The following SLC36A4 variants were observed in gnomAD, a reference collection of about 807,000 sequenced individuals.
SLC36A4 encodes neutral amino acid uniporter 4.
Under a neutral mutation model 50.5 loss-of-function variants are expected in SLC36A4, and 49 were observed. The observed-to-expected ratio is 0.97, with a 90% CI of 0.77 to 1.23. SLC36A4 has a LOEUF of 1.23. SLC36A4 is among the 50% of genes most tolerant of loss of function. The pLI is 0.00. For synonymous variants in SLC36A4, 207 were observed against 206.5 expected (o/e 1.00, Z -0.02); for missense variants, 611 against 608.4 (o/e 1.00, Z -0.05).
Position 93,162,668 on chromosome 11 carries a change from A to G in SLC36A4, c.1037+38T>C, listed in dbSNP as rs192762008. ...TCATCAAACAGTGGTACATTATAAA[A>G]TATATAAACTAATATTGACAAATTC... On this transcript the variant is annotated intron_variant, in intron 9 of 10. Transcript: ENST00000326402. 5,261 of 1,474,686 alleles carry G rather than the reference A, an allele frequency of 3.6e-3. 16 individuals are homozygous for G. The highest frequency in any genetic ancestry group is 4.3e-3 in the Non-Finnish European group (4,700 of 1,082,010). The allele number at this position is 1,474,686 out of a possible 1,614,324, so 91.4% of individuals were successfully genotyped here. A position where few individuals can be genotyped will look rare whatever the true frequency, so the allele number is the denominator to read the frequency against.
At chr11:93,157,414 A>G (rs962598891) in intron 9 of SLC36A4, among the ~76,000 whole-genome samples, 1 of 152,196 alleles carries the variant, frequency 6.6e-6, no homozygotes, top group African/African-American at 2.4e-5. Flanking sequence ...AATAGCATTA[A>G]AACTATAAAT....
rs1419939181 is a variant in SLC36A4, at chr11:93,145,542, G to C, written c.*2995C>G. ...GTTTTGACAAGTTGACTCTGATACT[G>C]ATGAAACTCTTGGGTGTAAGGGAAC... On this transcript the variant is annotated 3_prime_UTR_variant, in exon 11 of 11. Transcript: ENST00000326402. 6.6e-6 allele frequency: 1 copy of C among 152,098 alleles called. No homozygotes were observed. The highest frequency in any genetic ancestry group is 1.5e-5 in the Non-Finnish European group (1 of 67,998). The allele number at this position is 152,098 out of a possible 1,614,324, so 9.4% of individuals were successfully genotyped here.
At chr11:93,159,274 T>A (rs1378303105) in intron 9 of SLC36A4, among the ~76,000 whole-genome samples, 1 of 152,192 alleles carries the variant, frequency 6.6e-6, no homozygotes, top group Non-Finnish European at 1.5e-5. Context: ...AACAACTTAA[T>A]GTTCCAGTGA....
intron 1 of SLC36A4, among the ~76,000 whole-genome samples, chr11:93,190,794 G>A (rs945379502): frequency 3.3e-5 from 5 of 152,052 alleles, no homozygotes; most frequent in African/African-American, 9.7e-5. Flanking sequence ...GTGCAAGGGC[G>A]TGGTCTTGCC....
Position 93,168,090 on chromosome 11 carries a change from C to G in SLC36A4, c.622G>C (p.Asp208His). 6 of 1,612,356 alleles carry G rather than the reference C, an allele frequency of 3.7e-6. No individual in the cohort carries two copies. Among genetic ancestry groups the G allele is most frequent in the Non-Finnish European group, 4.2e-6 (5 of 1,178,908 alleles). The change falls in exon 7 of 11, where the codon GAC becomes CAC. Residue 208 changes from aspartate to histidine, a missense_variant. Coordinates refer to ENST00000326402, the MANE Select transcript of SLC36A4 (RefSeq NM_152313.4). ...AAGCAAAGCATATATATCCTTAGGT[C>G]AACACTTCTTCTCTCACAAGGGTTT... is the stretch of plus-strand genomic sequence containing the variant. ...SSNPCERRSV[D>H]LRIYMLCFLP...
In SLC36A4 at chr11:93,180,896, C is replaced by A. The variant is rs1226601475; in HGVS notation, c.456-15G>T. The A allele has an allele frequency of 6.4e-7, 1 of 1,563,992 alleles. No homozygotes were observed. The highest frequency in any genetic ancestry group is 1.1e-5 in the South Asian group (1 of 89,758). ...CAACCACACTCCTGAAAAAAGATAT[C>A]CACAAATGAGTATCCAGGAGAGCTA... is the stretch of plus-strand genomic sequence containing the variant. On this transcript the variant is annotated splice_polypyrimidine_tract_variant and intron_variant, in intron 5 of 10. Coordinates refer to ENST00000326402, the MANE Select transcript of SLC36A4 (RefSeq NM_152313.4).
In SLC36A4 at chr11:93,181,636, C is replaced by T. The variant is rs1234787897; in HGVS notation, c.455+55G>A. The T allele has an allele frequency of 2.4e-5, 31 of 1,293,948 alleles. No homozygotes were observed. In the East Asian group the frequency reaches 8.4e-4, roughly 35 times the overall value. 80.2% of individuals were successfully genotyped at this position (1,293,948 alleles called of 1,614,324 possible). On this transcript the variant is annotated intron_variant, in intron 5 of 10. Transcript: ENST00000326402. ...TTATATATATTGTTAGGTTAAAATA[C>T]TTAAAATTAACATAATTTTAACAAT...
At chr11:93,188,996 A>G (rs1419345569) in intron 1 of SLC36A4, among the ~76,000 whole-genome samples, 2 of 151,476 alleles carry the variant, frequency 1.3e-5, no homozygotes, top group East Asian at 3.9e-4. Context: ...CTGTGTTTAA[A>G]TTTCCCCTTT....
chr11:93,175,069 T>C (rs1483018304), intron 6 of SLC36A4, among the ~76,000 whole-genome samples: 2 of 151,872 alleles, frequency 1.3e-5, no homozygotes, highest in African/African-American at 4.8e-5. Flanking sequence ...TGTGAATCCA[T>C]CTGGTCCTGG....
At position 93,157,310 on chromosome 11, in the gene SLC36A4, C is replaced by T. The variant is rs184569686; in HGVS notation, c.1038-3033G>A. Reference sequence around the variant, plus strand: ...CCAGCTTTGTTCTTTTTGCTGAGGACTGCCTTGACCCTTCAGGCTCATTTC... The same window carrying T: ...CCAGCTTTGTTCTTTTTGCTGAGGATTGCCTTGACCCTTCAGGCTCATTTC... On this transcript the variant is annotated intron_variant, in intron 9 of 10. Transcript: ENST00000326402. Among the ~76,000 whole-genome samples the T allele has an allele frequency of 4.5e-4, 68 of 152,190 alleles. 1 individual carries two copies. The East Asian group carries it at 6.4e-3, about 14-fold the overall frequency.
chr11:93,164,187 T>A (rs1433810640), intron 8 of SLC36A4, among the ~76,000 whole-genome samples: 1 of 152,182 alleles, frequency 6.6e-6, no homozygotes, highest in African/African-American at 2.4e-5. Context: ...CTAGGAAGTA[T>A]ATGCATGTAT....
At position 93,197,778 on chromosome 11, in the gene SLC36A4, C is replaced by T; in HGVS notation, c.55G>A (p.Asp19Asn). The T allele has an allele frequency of 1.3e-6, 2 of 1,589,210 alleles. No individual in the cohort carries two copies. Among genetic ancestry groups the T allele is most frequent in the Non-Finnish European group, 1.7e-6 (2 of 1,174,454 alleles). ...AAGAARREELDMDVMRPLINE... is the reference protein window; with the variant it reads ...AAGAARREELNMDVMRPLINE... ...CTCCCTGCCCACGCACAACACCGAC[C>T]TAGCTCCTCGCGCCTCGCCGCCCCG... Residue 19 changes from aspartate to asparagine, a missense_variant and splice_region_variant, in exon 1 of 11, where the codon GAT becomes AAT. Transcript: ENST00000326402.
intron 10 of SLC36A4, among the ~76,000 whole-genome samples, chr11:93,153,788 C>G (rs930514256): frequency 3.0e-4 from 46 of 151,930 alleles, no homozygotes; most frequent in African/African-American, 1.1e-3. Context: ...CTGAGAAAAA[C>G]TAGAACCAAA....
At chr11:93,178,239 C>T (rs148138000) in intron 6 of SLC36A4, among the ~76,000 whole-genome samples, 5,547 of 152,242 alleles carry the variant, frequency 0.036, 518 homozygotes, top group East Asian at 0.27. Context: ...TTGCTAAGAC[C>T]GTTGGAAAAG....
intron 8 of SLC36A4, among the ~76,000 whole-genome samples, chr11:93,165,652 A>G (rs886905195): frequency 9.2e-5 from 14 of 152,088 alleles, no homozygotes; most frequent in Non-Finnish European, 2.9e-5. Context: ...TTTCCATAAT[A>G]AAATGTTAAA....
At position 93,183,992 on chromosome 11, in the gene SLC36A4, C is replaced by T. The variant is rs145617095; in HGVS notation, c.270+438G>A. On this transcript the variant is annotated intron_variant, in intron 3 of 10. Coordinates refer to ENST00000326402, the MANE Select transcript of SLC36A4 (RefSeq NM_152313.4). ...GGATTACAGGCATGGGCTACCGCACCCGGCCAACTTTTCTTAACTGTTATT... is the reference window on the plus strand; with the variant it reads ...GGATTACAGGCATGGGCTACCGCACTCGGCCAACTTTTCTTAACTGTTATT... 6.7e-4 allele frequency among the ~76,000 whole-genome samples: 102 copies of T among 152,254 alleles called. 1 individual carries two copies. In the East Asian group the frequency reaches 0.018, roughly 27 times the overall value.
chr11:93,172,144 T>C (rs1020178317), intron 6 of SLC36A4, among the ~76,000 whole-genome samples: 3 of 152,096 alleles, frequency 2.0e-5, no homozygotes, highest in African/African-American at 4.8e-5. Flanking sequence ...TAGGATATTT[T>C]GAAAAAAATA....
At chr11:93,180,025 A>C in intron 6 of SLC36A4, 1 of 880,960 alleles carries the variant, frequency 1.1e-6, no homozygotes, top group Non-Finnish European at 1.4e-6. Flanking sequence ...AAACATACAC[A>C]CTCCATCATT....
At chr11:93,170,199 CAT>C (rs1266327064) in intron 6 of SLC36A4, 4 of 152,072 alleles carry the variant, frequency 2.6e-5, no homozygotes, top group African/African-American at 2.4e-5. Context: ...TACGATCTCA[CAT>C]GTTTACCAAA....
Sources: allele counts gnomAD v4.1 joint callset (sites outside exome capture counted in the v4.1 genomes callset), GRCh38; gene constraint gnomAD v4.1.1; transcripts MANE v1.5; gene names NCBI Gene and HGNC (gene_info 2026-07-23, HGNC 2026-07-21).